The following JARID2 variants were observed in gnomAD, a reference collection of about 807,000 sequenced individuals.
JARID2 encodes the protein protein Jumonji.
JARID2 carries 21 observed loss-of-function variants against 125.6 expected under a neutral mutation model. The ratio of observed to expected loss-of-function variants is 0.17; its 90% CI spans 0.12 to 0.24. The LOEUF is 0.24. Among genes scored for constraint, JARID2 ranks in the 10% least tolerant of loss-of-function variants. The probability of loss-of-function intolerance (pLI) is 1.00; values close to 1 mark genes in which losing one functional copy is unlikely to be tolerated. For synonymous variants in JARID2, 736 were observed against 661.6 expected, an observed-to-expected ratio of 1.11 and a Z score of -1.73; for missense variants, 1,303 against 1,639.6, an observed-to-expected ratio of 0.79 and a Z score of 3.55.
chr6:15,295,344 A>C (rs959241052), intron 1 of JARID2, among the ~76,000 whole-genome samples: 19 of 151,824 alleles, frequency 1.3e-4, no homozygotes, highest in African/African-American at 3.6e-4. Flanking sequence ...GATGGTCTTG[A>C]TCTCCTGACC....
intron 2 of JARID2, among the ~76,000 whole-genome samples, chr6:15,381,130 G>A (rs1412119049): frequency 6.6e-6 from 1 of 151,580 alleles, no homozygotes; most frequent in Non-Finnish European, 1.5e-5. Flanking sequence ...GAGGCGGGTG[G>A]ATCACGAGGT....
At chr6:15,425,310 T>C (rs1386731804) in intron 3 of JARID2, among the ~76,000 whole-genome samples, 1 of 152,220 alleles carries the variant, frequency 6.6e-6, no homozygotes, top group Non-Finnish European at 1.5e-5. Context: ...TGAAAACGCA[T>C]GCTAATAGTT....
At chr6:15,332,973 C>G (rs1446063669) in intron 1 of JARID2, among the ~76,000 whole-genome samples, 1 of 127,374 alleles carries the variant, frequency 7.9e-6, no homozygotes, top group African/African-American at 3.0e-5. Context: ...ACGGAGTCGC[C>G]CAGGCTGGAG....
chr6:15,469,828 C>CA (rs1380287170), intron 5 of JARID2, among the ~76,000 whole-genome samples: 1 of 152,062 alleles, frequency 6.6e-6, no homozygotes, highest in Non-Finnish European at 1.5e-5. Flanking sequence ...TCAGAGGCAG[C>CA]ACAGAGGTAG....
chr6:15,305,973 G>A (rs1342216500), intron 1 of JARID2, among the ~76,000 whole-genome samples: 1 of 152,124 alleles, frequency 6.6e-6, no homozygotes. Context: ...TGTGGTTTTG[G>A]TTACAGTTTT....
chr6:15,407,298 C>G (rs917466152), intron 2 of JARID2, among the ~76,000 whole-genome samples: 6 of 152,066 alleles, frequency 3.9e-5, no homozygotes, highest in Non-Finnish European at 8.8e-5. Flanking sequence ...GTCCCCAGAG[C>G]AGCCAAAGCA....
chr6:15,465,828 G>T (rs1222584541), intron 4 of JARID2, among the ~76,000 whole-genome samples: 1 of 151,478 alleles, frequency 6.6e-6, no homozygotes, highest in Non-Finnish European at 1.5e-5. Context: ...TTTTGAGACG[G>T]AGTCTTGTTC....
chr6:15,363,764 G>C (rs1033552657), intron 1 of JARID2, among the ~76,000 whole-genome samples: 1 of 152,234 alleles, frequency 6.6e-6, no homozygotes, highest in South Asian at 2.1e-4. Context: ...CACGTTATTA[G>C]TGGGAAATGC....
Position 15,370,482 on chromosome 6 carries a change from C to T in JARID2, c.46-3635C>T, listed in dbSNP as rs560848774. Among the ~76,000 whole-genome samples, 14 of 152,030 alleles carry T rather than the reference C, an allele frequency of 9.2e-5. No homozygotes were observed. In the South Asian group the frequency reaches 1.7e-3, roughly 18 times the overall value. Reference sequence around the variant, plus strand: ...CCTCCAGAGTAGCTGGTACTACAGGCGCCCGCCACCACGCCCGGCTAATAT... The same window carrying T: ...CCTCCAGAGTAGCTGGTACTACAGGTGCCCGCCACCACGCCCGGCTAATAT... On this transcript the variant is annotated intron_variant, in intron 1 of 17. Coordinates refer to ENST00000341776, the MANE Select transcript of JARID2 (RefSeq NM_004973.4).
chr6:15,416,186 C>A (rs1315806878), intron 3 of JARID2, among the ~76,000 whole-genome samples: 30 of 151,210 alleles, frequency 2.0e-4, no homozygotes, highest in Non-Finnish European at 3.8e-4. Context: ...CGGGCAGAGA[C>A]GCTCCTCACT....
intron 1 of JARID2, among the ~76,000 whole-genome samples, chr6:15,347,318 C>G (rs903037784): frequency 6.6e-6 from 1 of 152,124 alleles, no homozygotes; most frequent in African/African-American, 2.4e-5. Context: ...AAATGCAGGA[C>G]TTAACGAGAA....
chr6:15,494,037 T>C (rs1381091657), intron 6 of JARID2, among the ~76,000 whole-genome samples: 1 of 152,218 alleles, frequency 6.6e-6, no homozygotes, highest in Non-Finnish European at 1.5e-5. Context: ...TCTTCGCTTC[T>C]GCCTCTTCAT....
At chr6:15,342,071 C>G (rs909425700) in intron 1 of JARID2, among the ~76,000 whole-genome samples, 1 of 152,080 alleles carries the variant, frequency 6.6e-6, no homozygotes. Context: ...ATCCATTTTT[C>G]TTTTCTTTTT....
chr6:15,513,302 T>C lies in JARID2; in HGVS notation c.3330T>C (p.Tyr1110=), dbSNP rs767003742. Residue 1110 remains tyrosine, a synonymous_variant, in exon 16 of 18, where the codon TAT becomes TAC. Coordinates refer to ENST00000341776, the MANE Select transcript of JARID2 (RefSeq NM_004973.4). ...FEAGLHSSAR[Y]GSHDGSSTVA... ...CTGGCCTCCACTCCTCCGCACGCTA[T>C]GGCAGCCACGATGGCAGCAGCACGG... 8.7e-6 allele frequency: 14 copies of C among 1,604,342 alleles called. No individual in the cohort carries two copies. In the South Asian group the frequency reaches 1.6e-4, roughly 18 times the overall value.
intron 3 of JARID2, among the ~76,000 whole-genome samples, chr6:15,412,464 A>G (rs1181389581): frequency 6.6e-6 from 1 of 152,144 alleles, no homozygotes; most frequent in Non-Finnish European, 1.5e-5. Flanking sequence ...ACACACCACC[A>G]TACCTGGCTA....
At chr6:15,269,158 G>A (rs1182953275) in intron 1 of JARID2, among the ~76,000 whole-genome samples, 1 of 152,118 alleles carries the variant, frequency 6.6e-6, no homozygotes, top group African/African-American at 2.4e-5. Context: ...GAGGAAAACC[G>A]TTAAATAGCT....
chr6:15,269,138 C>A (rs1426658265), intron 1 of JARID2, among the ~76,000 whole-genome samples: 2 of 152,112 alleles, frequency 1.3e-5, no homozygotes, highest in Non-Finnish European at 2.9e-5. Flanking sequence ...TTGCCCCTTT[C>A]TTGAGGGAGG....
intron 1 of JARID2, among the ~76,000 whole-genome samples, chr6:15,362,260 A>G (rs943255540): frequency 2.0e-5 from 3 of 152,176 alleles, no homozygotes; most frequent in Non-Finnish European, 4.4e-5. Flanking sequence ...TCAGGGTTAC[A>G]TAGGATCATG....
At chr6:15,253,106 C>T (rs1395455708) in intron 1 of JARID2, among the ~76,000 whole-genome samples, 1 of 151,414 alleles carries the variant, frequency 6.6e-6, no homozygotes, top group African/African-American at 2.4e-5. Context: ...CTCTCTCACC[C>T]AGGCTGGAGT....
Sources: allele counts gnomAD v4.1 joint callset (sites outside exome capture counted in the v4.1 genomes callset), GRCh38; gene constraint gnomAD v4.1.1; transcripts MANE v1.5; gene names NCBI Gene and HGNC (gene_info 2026-07-23, HGNC 2026-07-21).